SLC67A1: variants seen among roughly 807,000 people sequenced by gnomAD.
SLC67A1 encodes solute carrier family 67 member 1.
chr11:2,919,463 G>A, the SLC67A1 span: 46 of 1,317,604 alleles, frequency 3.5e-5, no homozygotes, highest in African/African-American at 5.2e-4. Context: ...CAGTGGGGCA[G>A]GCCTCTGAGA....
chr11:2,900,685 T>C, the SLC67A1 span, among the ~76,000 whole-genome samples: 1 of 55,226 alleles, frequency 1.8e-5, no homozygotes, highest in Non-Finnish European at 3.6e-5. Flanking sequence ...AGAGCAAGAC[T>C]CCGTCTCAAA....
At chr11:2,899,695 C>A in the SLC67A1 span, 1 of 1,511,048 alleles carries the variant, frequency 6.6e-7, no homozygotes, top group Non-Finnish European at 8.9e-7. Flanking sequence ...CCAGGAAGTT[C>A]CCCCATTCAC....
At chr11:2,916,659 C>T in the SLC67A1 span, 2 of 1,612,834 alleles carry the variant, frequency 1.2e-6, no homozygotes. Flanking sequence ...CCTGGCCACC[C>T]TCCTGGGAGC....
the SLC67A1 span, among the ~76,000 whole-genome samples, chr11:2,910,677 C>T: frequency 2.0e-5 from 3 of 152,080 alleles, no homozygotes; most frequent in African/African-American, 7.2e-5. Flanking sequence ...AGTGGCTGGA[C>T]CAGAGGGGAC....
At chr11:2,919,652 C>A in the SLC67A1 span, 1 of 543,750 alleles carries the variant, frequency 1.8e-6, no homozygotes, top group Non-Finnish European at 3.3e-6. Context: ...TCTGTGGCAG[C>A]CCACCTGCCC....
At chr11:2,906,886 AG>A in the SLC67A1 span, among the ~76,000 whole-genome samples, 1 of 99,030 alleles carries the variant, frequency 1.0e-5, no homozygotes, top group Admixed American at 1.1e-4. Flanking sequence ...AAGAGAGAAA[AG>A]AAAAAAAAAA....
the SLC67A1 span, among the ~76,000 whole-genome samples, chr11:2,910,891 G>A: frequency 5.9e-5 from 9 of 152,198 alleles, no homozygotes; most frequent in Non-Finnish European, 1.0e-4. Context: ...GCACTCCAGG[G>A]AGCTACTGAG....
the SLC67A1 span, chr11:2,921,985 G>T: frequency 1.3e-6 from 1 of 754,070 alleles, no homozygotes; most frequent in Non-Finnish European, 2.4e-6. Context: ...CTCTGCAGAG[G>T]GGCCCTGGCC....
the SLC67A1 span, among the ~76,000 whole-genome samples, chr11:2,911,166 C>T: frequency 3.3e-5 from 5 of 152,106 alleles, no homozygotes; most frequent in African/African-American, 9.7e-5. Context: ...GTGCCAGCCG[C>T]AGAAGCCTCA....
chr11:2,924,998 T>G, the SLC67A1 span: 5 of 1,598,652 alleles, frequency 3.1e-6, no homozygotes, highest in Non-Finnish European at 4.3e-6. This position sits in a 1 kb window ranked among gnomAD's most constrained non-coding sequence, Gnocchi z 8.6. Context: ...ACTACCCCCA[T>G]GCACCCCCCA....
the SLC67A1 span, chr11:2,915,004 G>A: frequency 1.0e-6 from 1 of 985,464 alleles, no homozygotes; most frequent in Non-Finnish European, 1.2e-6. Flanking sequence ...CCAGCAGCCA[G>A]AAAACCTGAG....
the SLC67A1 span, among the ~76,000 whole-genome samples, chr11:2,905,565 C>T: frequency 6.6e-6 from 1 of 152,010 alleles, no homozygotes; most frequent in African/African-American, 2.4e-5. Flanking sequence ...TTTTCTTAAT[C>T]CAGTCTGTCA....
the SLC67A1 span, chr11:2,902,624 A>C: frequency 1.0e-6 from 1 of 985,144 alleles, no homozygotes; most frequent in Non-Finnish European, 1.2e-6. Context: ...ATGTGGCAAA[A>C]TTTGGGGAAG....
At chr11:2,902,640 T>G in the SLC67A1 span, 12 of 985,240 alleles carry the variant, frequency 1.2e-5, no homozygotes, top group Non-Finnish European at 1.3e-5. Flanking sequence ...GGAAGTCCTC[T>G]GCAGCCGCAA....
the SLC67A1 span, chr11:2,916,731 C>T: frequency 1.2e-6 from 2 of 1,612,906 alleles, no homozygotes; most frequent in Non-Finnish European, 1.7e-6. Context: ...CGCCCAGGCT[C>T]CACTGCCAGG....
chr11:2,919,738 G>T, the SLC67A1 span: 1 of 341,462 alleles, frequency 2.9e-6, no homozygotes, highest in Non-Finnish European at 5.4e-6. Flanking sequence ...CGCCTTGCAG[G>T]GTCCTTGGCA....
chr11:2,912,380 C>T, the SLC67A1 span, among the ~76,000 whole-genome samples: 2 of 152,246 alleles, frequency 1.3e-5, no homozygotes, highest in East Asian at 1.9e-4. Context: ...GGTCCAGCTG[C>T]CCCAACGCCT....
chr11:2,909,173 C>T, the SLC67A1 span: 1 of 1,484,400 alleles, frequency 6.7e-7, no homozygotes, highest in Non-Finnish European at 8.9e-7. Flanking sequence ...CCGTGAGGGT[C>T]CGACCCGCCC....
At chr11:2,899,831 A>T in the SLC67A1 span, 12 of 1,024,596 alleles carry the variant, frequency 1.2e-5, no homozygotes, top group African/African-American at 1.5e-4. Flanking sequence ...TCTCCACCAC[A>T]CCTCAGCGCC....
Sources: allele counts gnomAD v4.1 joint callset (sites outside exome capture counted in the v4.1 genomes callset), GRCh38; gene constraint gnomAD v4.1.1; non-coding constraint Gnocchi (gnomAD v3.1); transcripts MANE v1.5; gene names NCBI Gene and HGNC (gene_info 2026-07-23, HGNC 2026-07-21).